FAF2: variants seen among roughly 807,000 people sequenced by gnomAD.
FAF2 encodes Fas associated factor family member 2.
Under a neutral mutation model 62.3 loss-of-function variants are expected in FAF2, and 9 were observed. That is an observed-to-expected ratio of 0.14 (90% CI 0.09 to 0.25). FAF2 has a LOEUF of 0.25. Ranked by LOEUF, FAF2 falls within the 10% of genes least tolerant of loss-of-function variation. The pLI is 1.00. For missense variants in FAF2, 368 were observed against 556.2 expected (o/e 0.66, Z 3.40); for synonymous variants, 202 against 198.0 (o/e 1.02, Z -0.17).
chr5:176,457,817 AAG>A (rs1400906380), intron 1 of FAF2, among the ~76,000 whole-genome samples: 1 of 152,302 alleles, frequency 6.6e-6, no homozygotes, highest in South Asian at 2.1e-4. Context: ...ATAAATTTGA[AAG>A]AGAACAATTT....
At chr5:176,462,228 A>G (rs559068071) in intron 1 of FAF2, among the ~76,000 whole-genome samples, 73 of 152,248 alleles carry the variant, frequency 4.8e-4, no homozygotes, top group African/African-American at 1.7e-3. Context: ...ATGAGCCGAG[A>G]TCGCAACATT....
At chr5:176,476,731 C>T (rs1758699094) in intron 1 of FAF2, among the ~76,000 whole-genome samples, 1 of 141,542 alleles carries the variant, frequency 7.1e-6, no homozygotes, top group Admixed American at 7.4e-5. Context: ...CTCCTGGGTT[C>T]AAGCGATTCC....
At chr5:176,488,906 T>C (rs1295423858) in intron 3 of FAF2, 45 bp from the exon 4 acceptor site, 1 of 1,460,462 alleles carries the variant, frequency 6.8e-7, no homozygotes, top group South Asian at 1.1e-5. Context: ...GATAAAATAT[T>C]AGGGATTGAG....
intron 8 of FAF2, among the ~76,000 whole-genome samples, chr5:176,497,545 T>A (rs993666078): frequency 1.3e-5 from 2 of 152,232 alleles, no homozygotes; most frequent in African/African-American, 2.4e-5. Flanking sequence ...TTTTAAAAAT[T>A]ACTGCATAAC....
chr5:176,449,786 G>A (rs760947404), intron 1 of FAF2, among the ~76,000 whole-genome samples: 1 of 152,148 alleles, frequency 6.6e-6, no homozygotes, highest in Non-Finnish European at 1.5e-5. Context: ...ACCTTAGTGC[G>A]CAGCGCTGCT....
chr5:176,464,286 G>A (rs977545193), intron 1 of FAF2, among the ~76,000 whole-genome samples: 2 of 151,896 alleles, frequency 1.3e-5, no homozygotes, highest in East Asian at 3.9e-4. Flanking sequence ...AATATTGTGG[G>A]GGGTTTTTTT....
Position 176,508,121 on chromosome 5 carries a change from C to T in FAF2, c.*1171C>T, listed in dbSNP as rs1199309751. ...CCAGCCTGTGTAATCTATTGGAAGG[C>T]ACATTTTCATTTCTGATGCAGCCAC... is the stretch of plus-strand genomic sequence containing the variant. On this transcript the variant is annotated 3_prime_UTR_variant, in exon 11 of 11. Transcript: ENST00000261942. The T allele has an allele frequency of 2.0e-5, 3 of 152,620 alleles. No individual in the cohort carries two copies. The highest frequency in any genetic ancestry group is 6.6e-5 in the Admixed American group (1 of 15,262). The allele number at this position is 152,620 out of a possible 1,614,324, so 9.5% of individuals were successfully genotyped here.
At chr5:176,451,290 GA>G (rs780878690) in intron 1 of FAF2, among the ~76,000 whole-genome samples, 4 of 152,196 alleles carry the variant, frequency 2.6e-5, no homozygotes, top group Non-Finnish European at 5.9e-5. Context: ...AGGCTCACTT[GA>G]ACCCGGGAGG....
intron 1 of FAF2, among the ~76,000 whole-genome samples, chr5:176,472,239 C>T (rs1385153763): frequency 5.3e-5 from 8 of 151,968 alleles, no homozygotes; most frequent in Middle Eastern, 3.2e-3. Context: ...CTCCGTCTCC[C>T]GGGTTCAAGC....
At chr5:176,506,715 G>A (rs142310866) in intron 10 of FAF2, 53 bp from the exon 11 acceptor site, 1 of 1,363,482 alleles carries the variant, frequency 7.3e-7, no homozygotes, top group Non-Finnish European at 1.0e-6. Flanking sequence ...GCGTGTGTGT[G>A]TGTGTATTTC....
Position 176,451,827 on chromosome 5 carries a change from TACATATATATATATAC to T in FAF2, c.63+3361_63+3376del, listed in dbSNP as rs1561813448. Among the ~76,000 whole-genome samples the T allele has an allele frequency of 6.5e-3, 287 of 44,490 alleles. 25 individuals are homozygous for T. The highest frequency in any genetic ancestry group is 0.023 in the African/African-American group (274 of 11,802). The allele number at this position is 44,490 out of a possible 152,430, so 29.2% of individuals were successfully genotyped here. ...ATATATATACACACATATATATATA[TACATATATATATATAC>T]ACACATATATATACACATATATATA... On this transcript the variant is annotated intron_variant, in intron 1 of 10. Transcript: ENST00000261942.
intron 8 of FAF2, 67 bp from the exon 9 acceptor site, chr5:176,498,847 A>G (rs1256869550): frequency 1.4e-6 from 2 of 1,401,584 alleles, no homozygotes; most frequent in Non-Finnish European, 1.9e-6. Flanking sequence ...AGAAGATTTC[A>G]ATATAAGAAA....
rs1411047163 is a variant in FAF2, at chr5:176,492,302, C to G, written c.453C>G (p.His151Gln). Residue 151 changes from histidine (H) to glutamine (Q), a missense_variant, in exon 5 of 11, where the codon CAC becomes CAG. Physicochemically the swap from His to Gln is conservative, Grantham distance 24 (BLOSUM62 0). Coordinates refer to ENST00000261942, the MANE Select transcript of FAF2 (RefSeq NM_014613.3). ...HSFEEKYGRA[H>Q]PVFYQGTYSQ... ...TTGAAGAGAAATATGGGAGGGCACACCCTGTCTTCTACCAGGGAACGTACA... is the reference window on the plus strand; with the variant it reads ...TTGAAGAGAAATATGGGAGGGCACAGCCTGTCTTCTACCAGGGAACGTACA... 1 of 1,614,106 alleles carries G rather than the reference C, an allele frequency of 6.2e-7. No individual in the cohort carries two copies. Among genetic ancestry groups the G allele is most frequent in the Admixed American group, 1.7e-5 (1 of 60,006 alleles).
chr5:176,471,450 T>G (rs1244754598), intron 1 of FAF2, among the ~76,000 whole-genome samples: 2 of 149,034 alleles, frequency 1.3e-5, no homozygotes, highest in African/African-American at 4.9e-5. Context: ...TGGTACGATC[T>G]CAGCTCACTG....
chr5:176,474,256 A>G (rs572244673), intron 1 of FAF2, among the ~76,000 whole-genome samples: 47 of 152,280 alleles, frequency 3.1e-4, no homozygotes, highest in Middle Eastern at 3.4e-3. Flanking sequence ...TCACTTCTAC[A>G]GACAGAAAAC....
intron 10 of FAF2, among the ~76,000 whole-genome samples, chr5:176,506,207 C>CAAAAAAAAAAAAAAAAAAA (rs1402992067): frequency 9.2e-6 from 1 of 108,170 alleles, no homozygotes; most frequent in Non-Finnish European, 2.0e-5. Flanking sequence ...AAAAAAAAAA[C>CAAAAAAAAAAAAAAAAAAA]AAAAAAAAAA....
intron 4 of FAF2, among the ~76,000 whole-genome samples, chr5:176,489,515 T>C (rs1355661908): frequency 6.6e-6 from 1 of 152,108 alleles, no homozygotes; most frequent in Admixed American, 6.6e-5. Context: ...TAGACACTCC[T>C]GTTACACCTT....
chr5:176,472,731 A>AG (rs1370662950), intron 1 of FAF2, among the ~76,000 whole-genome samples: 3 of 151,440 alleles, frequency 2.0e-5, no homozygotes, highest in Non-Finnish European at 4.4e-5. Context: ...AAAAAAAAAA[A>AG]AAAAGAAAAG....
At chr5:176,499,155 G>T in intron 9 of FAF2, 70 bp downstream of exon 9, 1 of 1,395,966 alleles carries the variant, frequency 7.2e-7, no homozygotes, top group Non-Finnish European at 9.5e-7. Context: ...GGTCTTAAGT[G>T]TGAAAGGAAA....
Sources: allele counts gnomAD v4.1 joint callset (sites outside exome capture counted in the v4.1 genomes callset), GRCh38; gene constraint gnomAD v4.1.1; transcripts MANE v1.5; gene names NCBI Gene and HGNC (gene_info 2026-07-23, HGNC 2026-07-21).